The following EPB41L4B variants were observed in gnomAD, a reference collection of about 807,000 sequenced individuals.
EPB41L4B encodes band 4.1-like protein 4B.
In EPB41L4B, 30 loss-of-function variants were observed where a neutral mutation model predicts 112.5. The observed-to-expected ratio is 0.27, with a 90% CI of 0.20 to 0.36. EPB41L4B has a LOEUF of 0.36. Among genes scored for constraint, EPB41L4B ranks in the 10% least tolerant of loss-of-function variants. EPB41L4B has a pLI of 1.00. For synonymous variants in EPB41L4B, 408 were observed against 439.7 expected, an observed-to-expected ratio of 0.93 and a Z score of 0.90; for missense variants, 1,024 against 1,133.3, an observed-to-expected ratio of 0.90 and a Z score of 1.38.
rs1833394426 is a variant in EPB41L4B, at chr9:109,216,963, C to T, written c.1592G>A (p.Gly531Glu). The T allele has an allele frequency of 5.6e-6, 9 of 1,614,056 alleles. No homozygotes were observed. The highest frequency in any genetic ancestry group is 7.6e-6 in the Non-Finnish European group (9 of 1,180,024). Residue 531 changes from glycine (G) to glutamate (E), a missense_variant, in exon 16 of 26, where the codon GGG (glycine) becomes GAG (glutamate). Physicochemically the swap from Gly to Glu is moderately conservative, Grantham distance 98. Coordinates refer to ENST00000374566, the MANE Select transcript of EPB41L4B (RefSeq NM_019114.5). ...SLSLTLENKEGPLRSPNSSSK... is the reference protein window; with the variant it reads ...SLSLTLENKEEPLRSPNSSSK... ...GCTGGAGTTTGGGGACCTCAGAGGC[C>T]CCTCTTTGTTCTCCAGGGTCAGTGA...
At chr9:109,235,390 C>CTT (rs758330838) in intron 15 of EPB41L4B, among the ~76,000 whole-genome samples, 5,936 of 87,116 alleles carry the variant, frequency 0.068, 460 homozygotes, top group East Asian at 0.15. Context: ...TTCAGCTAGA[C>CTT]TTTTTTTTTT....
At chr9:109,284,051 C>T (rs545156728) in intron 1 of EPB41L4B, among the ~76,000 whole-genome samples, 1 of 152,046 alleles carries the variant, frequency 6.6e-6, no homozygotes, top group Non-Finnish European at 1.5e-5. Flanking sequence ...CATTGTACCT[C>T]TAGCCTGGGT....
At position 109,199,953 on chromosome 9, in the gene EPB41L4B, C is replaced by T. The variant is rs151002932; in HGVS notation, c.2045+283G>A. 3.7e-3 allele frequency among the ~76,000 whole-genome samples: 568 copies of T among 152,244 alleles called. 4 individuals are homozygous for T. Among genetic ancestry groups the T allele is most frequent in the African/African-American group, 0.013 (545 of 41,542 alleles). ...ATACAGAAGACCCAGCTAAGCCATG[C>T]CCCGACCCCCACTCCACAGGAACTG... On this transcript the variant is annotated intron_variant, in intron 20 of 25. Coordinates refer to ENST00000374566, the MANE Select transcript of EPB41L4B (RefSeq NM_019114.5).
At chr9:109,188,049 T>C (rs2118657244) in intron 22 of EPB41L4B, among the ~76,000 whole-genome samples, 1 of 152,336 alleles carries the variant, frequency 6.6e-6, no homozygotes, top group East Asian at 1.9e-4. Flanking sequence ...CTTGGGTCTT[T>C]TCTGCAGGCA....
chr9:109,313,992 C>T (rs1418120574), intron 1 of EPB41L4B, among the ~76,000 whole-genome samples: 1 of 152,186 alleles, frequency 6.6e-6, no homozygotes, highest in Non-Finnish European at 1.5e-5. Flanking sequence ...AATGGGTCTT[C>T]GATGAATGCA....
chr9:109,306,432 G>A (rs543000489), intron 1 of EPB41L4B, among the ~76,000 whole-genome samples: 1 of 152,186 alleles, frequency 6.6e-6, no homozygotes, highest in South Asian at 2.1e-4. Context: ...TGCCCAATAT[G>A]GCAAAACCCC....
chr9:109,265,244 C>G (rs566850838), intron 4 of EPB41L4B, among the ~76,000 whole-genome samples: 1 of 152,194 alleles, frequency 6.6e-6, no homozygotes, highest in South Asian at 2.1e-4. Flanking sequence ...GTGGGGAACT[C>G]GCAAGATACT....
chr9:109,192,236 T>C (rs377482467), intron 22 of EPB41L4B, 42 bp downstream of exon 22: 145 of 1,512,624 alleles, frequency 9.6e-5, no homozygotes, highest in Non-Finnish European at 1.2e-4. Flanking sequence ...GATGTTTCTA[T>C]GGTCTGTGAC....
chr9:109,270,488 C>G (rs1291819811), intron 2 of EPB41L4B, among the ~76,000 whole-genome samples: 4 of 152,144 alleles, frequency 2.6e-5, no homozygotes, highest in Non-Finnish European at 1.5e-5. Context: ...TGCCAGTGCC[C>G]TCAAACAAGC....
intron 23 of EPB41L4B, among the ~76,000 whole-genome samples, chr9:109,184,390 T>C (rs948864039): frequency 2.0e-5 from 3 of 152,126 alleles, no homozygotes; most frequent in Admixed American, 1.3e-4. Flanking sequence ...CAGCTAACTT[T>C]TGTATTTTTA....
chr9:109,234,406 G>T (rs189593793), intron 15 of EPB41L4B, among the ~76,000 whole-genome samples: 116 of 152,286 alleles, frequency 7.6e-4, no homozygotes, highest in African/African-American at 2.6e-3. Context: ...ATATTGATTG[G>T]TTAAATATAT....
chr9:109,247,615 G>A (rs1243248753), intron 14 of EPB41L4B, 141 bp downstream of exon 14: 12 of 529,946 alleles, frequency 2.3e-5, no homozygotes, highest in Admixed American at 1.2e-4. Flanking sequence ...AACAAATATT[G>A]TTATTATTTT....
rs11999740 is a variant in EPB41L4B at position 109,311,800 on chromosome 9, G to T, written c.306+8341C>A. 1.5e-3 allele frequency among the ~76,000 whole-genome samples: 226 copies of T among 152,264 alleles called. 1 individual carries two copies. The highest frequency in any genetic ancestry group is 4.1e-3 in the African/African-American group (171 of 41,538). ...GGGAAGAGCACTGGAAAATGAGTCC[G>T]GAAACCTAAATTCAATCTGGCTCTC... On this transcript the variant is annotated intron_variant, in intron 1 of 25. Transcript: ENST00000374566.
chr9:109,289,955 C>T lies in EPB41L4B; in HGVS notation c.307-10034G>A, dbSNP rs10979805. ...TTATCAGTGATTGATACCTGTTTTACGGCACGTGGGAAATCTGCTAAGCAG... is the reference window on the plus strand; with the variant it reads ...TTATCAGTGATTGATACCTGTTTTATGGCACGTGGGAAATCTGCTAAGCAG... On this transcript the variant is annotated intron_variant, in intron 1 of 25. Transcript: ENST00000374566. Among the ~76,000 whole-genome samples, 956 of 152,284 alleles carry T rather than the reference C, an allele frequency of 6.3e-3. 24 individuals are homozygous for T. The East Asian group carries it at 0.093, about 15-fold the overall frequency.
In EPB41L4B at chr9:109,174,005, C is replaced by T. The variant is rs2118553907; in HGVS notation, c.*549G>A. On this transcript the variant is annotated 3_prime_UTR_variant, in exon 26 of 26. Transcript: ENST00000374566. ...TTATATTTCAGATTAAGCTGAAGTA[C>T]CTTCAGTCATAGTGATATGTAACTT... is the stretch of plus-strand genomic sequence containing the variant. 6.6e-6 allele frequency: 1 copy of T among 152,516 alleles called. No homozygotes were observed. The highest frequency in any genetic ancestry group is 2.1e-4 in the South Asian group (1 of 4,828). 9.4% of individuals were successfully genotyped at this position (152,516 alleles called of 1,614,324 possible).
At chr9:109,266,968 C>CAAAAAAAAAA in intron 4 of EPB41L4B, among the ~76,000 whole-genome samples, 1 of 91,742 alleles carries the variant, frequency 1.1e-5, no homozygotes. Flanking sequence ...GATTTTGTTT[C>CAAAAAAAAAA]AAAAAAAAAA....
chr9:109,188,593 C>T (rs906770307), intron 22 of EPB41L4B, among the ~76,000 whole-genome samples: 2 of 152,156 alleles, frequency 1.3e-5, no homozygotes, highest in African/African-American at 4.8e-5. Flanking sequence ...AGAAGGGGTA[C>T]CCTAATTTAA....
intron 1 of EPB41L4B, among the ~76,000 whole-genome samples, chr9:109,284,397 C>T (rs937625934): frequency 9.9e-5 from 15 of 152,120 alleles, no homozygotes; most frequent in African/African-American, 3.4e-4. Context: ...AGAGAAACCG[C>T]GGATGGCTTT....
intron 22 of EPB41L4B, among the ~76,000 whole-genome samples, chr9:109,186,633 C>G (rs1387593864): frequency 1.3e-5 from 2 of 152,102 alleles, no homozygotes; most frequent in South Asian, 2.1e-4. Context: ...TGCCACCATG[C>G]CTGGCTAATA....
Sources: gnomAD v4.1 joint callset for allele counts (sites outside exome capture counted in the v4.1 genomes callset) on GRCh38, gnomAD v4.1.1 for gene constraint, MANE v1.5 for transcripts, NCBI Gene and HGNC (gene_info 2026-07-23, HGNC 2026-07-21) for gene names.